The following MEIS1 variants were observed in gnomAD, a reference collection of about 807,000 sequenced individuals.
MEIS1 encodes Meis homeobox 1, also known as homeobox protein Meis1.
Under a neutral mutation model 50.8 loss-of-function variants are expected in MEIS1, and 5 were observed. The observed-to-expected ratio is 0.10, with a 90% CI of 0.05 to 0.21. MEIS1 has a LOEUF of 0.21. Ranked by LOEUF, MEIS1 falls within the 10% of genes least tolerant of loss-of-function variation. The pLI, the probability that MEIS1 is intolerant of heterozygous loss-of-function variation, is 1.00. For missense variants in MEIS1, 318 were observed against 517.3 expected, an observed-to-expected ratio of 0.61 and a Z score of 3.74; for synonymous variants, 176 against 179.3, an observed-to-expected ratio of 0.98 and a Z score of 0.15.
chr2:66,492,496 A>G (rs1673297047), intron 7 of MEIS1, among the ~76,000 whole-genome samples: 1 of 152,188 alleles, frequency 6.6e-6, no homozygotes, highest in African/African-American at 2.4e-5. Flanking sequence ...TCTACCCTGC[A>G]CTGGAGAAAC....
At chr2:66,458,831 G>C (rs1298269953) in intron 6 of MEIS1, among the ~76,000 whole-genome samples, 3 of 152,112 alleles carry the variant, frequency 2.0e-5, no homozygotes. Context: ...GATATTTTGT[G>C]ATGTCTCTCA....
chr2:66,530,525 T>C (rs560555839), intron 8 of MEIS1, among the ~76,000 whole-genome samples: 1 of 152,170 alleles, frequency 6.6e-6, no homozygotes, highest in South Asian at 2.1e-4. Flanking sequence ...CCATCCTGGC[T>C]AACACGGTGA....
At chr2:66,512,115 G>A (rs1367282325) in intron 7 of MEIS1, 34 bp from the exon 8 acceptor site, 6 of 1,527,564 alleles carry the variant, frequency 3.9e-6, no homozygotes, top group African/African-American at 1.4e-5. Flanking sequence ...TGTCAAGGTA[G>A]CATCAGTCAA....
chr2:66,503,265 ACACC>A (rs1673600479), intron 7 of MEIS1, among the ~76,000 whole-genome samples: 1 of 152,184 alleles, frequency 6.6e-6, no homozygotes, highest in African/African-American at 2.4e-5. Flanking sequence ...CTAGGGATGA[ACACC>A]CACAACCTGC....
chr2:66,456,064 C>T (rs1672379910), intron 6 of MEIS1, among the ~76,000 whole-genome samples: 1 of 152,082 alleles, frequency 6.6e-6, no homozygotes. Flanking sequence ...AATTCTTTTC[C>T]TCCTCTCTAC....
rs897683807 is a variant in MEIS1 at position 66,572,017 on chromosome 2, C to T, written c.*809C>T. ...ATGCGCGCGCTCTCTCTCTTTCTCT[C>T]TCTTTTCCTCTCTCTCCCTCTTTCT... is the stretch of plus-strand genomic sequence containing the variant. On this transcript the variant is annotated 3_prime_UTR_variant, in exon 13 of 13. Coordinates refer to ENST00000272369, the MANE Select transcript of MEIS1 (RefSeq NM_002398.3). 1.3e-5 allele frequency: 2 copies of T among 159,888 alleles called. No homozygotes were observed. Among genetic ancestry groups the T allele is most frequent in the African/African-American group, 2.4e-5 (1 of 41,520 alleles). 9.9% of individuals were successfully genotyped at this position (159,888 alleles called of 1,614,324 possible).
At chr2:66,497,624 G>A (rs559386314) in intron 7 of MEIS1, among the ~76,000 whole-genome samples, 8 of 152,262 alleles carry the variant, frequency 5.3e-5, no homozygotes, top group African/African-American at 1.7e-4. Flanking sequence ...GCTTGGCATG[G>A]TGGCTCATGC....
At chr2:66,496,030 G>A (rs1339168080) in intron 7 of MEIS1, 3 of 152,420 alleles carry the variant, frequency 2.0e-5, no homozygotes, top group Non-Finnish European at 4.4e-5. Flanking sequence ...GGCAGCACAG[G>A]AGAGCAGTAT....
At chr2:66,462,242 A>T (rs1399943822) in intron 6 of MEIS1, among the ~76,000 whole-genome samples, 1 of 152,168 alleles carries the variant, frequency 6.6e-6, no homozygotes, top group Non-Finnish European at 1.5e-5. Flanking sequence ...TCTGTATTTT[A>T]GCTTGTTATC....
Position 66,435,678 on chromosome 2 carries a change from C to A in MEIS1, c.-179C>A. The A allele has an allele frequency of 1.8e-6, 1 of 544,500 alleles. No homozygotes were observed. Among genetic ancestry groups the A allele is most frequent in the Non-Finnish European group, 3.1e-6 (1 of 317,802 alleles). 33.7% of individuals were successfully genotyped at this position (544,500 alleles called of 1,614,324 possible). A position where few individuals can be genotyped will look rare whatever the true frequency, so the allele number is the denominator to read the frequency against. ...GACTCGGGCGCTTTGCTTCAGGTCC[C>A]GTAGACCGAAGATCTGGGACCAGTA... On this transcript the variant is annotated 5_prime_UTR_variant, in exon 1 of 13. Transcript: ENST00000272369.
intron 7 of MEIS1, 104 bp downstream of exon 7, chr2:66,464,324 AAACCCCCTTT>A: frequency 3.3e-6 from 3 of 899,362 alleles, no homozygotes; most frequent in Non-Finnish European, 5.3e-6. Flanking sequence ...CCTAGAAGAT[AAACCCCCTTT>A]AACTTGAGAA....
At chr2:66,538,987 A>G (rs1674585236) in intron 8 of MEIS1, among the ~76,000 whole-genome samples, 1 of 152,164 alleles carries the variant, frequency 6.6e-6, no homozygotes, top group South Asian at 2.1e-4. Context: ...TCCCGGGTTC[A>G]AGCGATTATT....
At chr2:66,437,480 A>C (rs559930106) in intron 1 of MEIS1, 1 of 492,528 alleles carries the variant, frequency 2.0e-6, no homozygotes, top group Admixed American at 3.5e-5. Flanking sequence ...AAGGAGCCTG[A>C]ATTTCTAAAC....
At chr2:66,469,625 T>G (rs1214443814) in intron 7 of MEIS1, among the ~76,000 whole-genome samples, 2 of 152,224 alleles carry the variant, frequency 1.3e-5, no homozygotes, top group East Asian at 3.9e-4. Context: ...GCGCTCTGAT[T>G]GGATGTCTTA....
chr2:66,514,590 T>TA (rs1673915748), intron 8 of MEIS1, among the ~76,000 whole-genome samples: 1 of 152,220 alleles, frequency 6.6e-6, no homozygotes, highest in African/African-American at 2.4e-5. Context: ...TTATAGGTGT[T>TA]ACCTTGTGGT....
intron 8 of MEIS1, among the ~76,000 whole-genome samples, chr2:66,517,152 A>T (rs746890614): frequency 3.3e-5 from 5 of 152,140 alleles, no homozygotes; most frequent in African/African-American, 4.8e-5. Flanking sequence ...CCTATCCTGA[A>T]AGATCTAGGG....
At chr2:66,527,047 G>C (rs1173214698) in intron 8 of MEIS1, among the ~76,000 whole-genome samples, 1 of 152,108 alleles carries the variant, frequency 6.6e-6, no homozygotes, top group Non-Finnish European at 1.5e-5. Flanking sequence ...AAAAACTGTG[G>C]GGTGAATTTG....
chr2:66,545,133 C>T (rs1196554701), intron 8 of MEIS1, among the ~76,000 whole-genome samples: 3 of 152,128 alleles, frequency 2.0e-5, no homozygotes, highest in African/African-American at 7.2e-5. Context: ...TTATCCAGTT[C>T]TGGTCATAAT....
intron 6 of MEIS1, among the ~76,000 whole-genome samples, chr2:66,463,451 A>C (rs775052265): frequency 6.6e-6 from 1 of 152,186 alleles, no homozygotes; most frequent in African/African-American, 2.4e-5. Flanking sequence ...TCTGAATGTT[A>C]CTTTCAAATG....
Sources: allele counts gnomAD v4.1 joint callset (sites outside exome capture counted in the v4.1 genomes callset), GRCh38; gene constraint gnomAD v4.1.1; transcripts MANE v1.5; gene names NCBI Gene and HGNC (gene_info 2026-07-23, HGNC 2026-07-21).